Variants in NGEF observed in about 807,000 individuals in gnomAD.
NGEF encodes neuronal guanine nucleotide exchange factor.
Under a neutral mutation model 80.9 loss-of-function variants are expected in NGEF, and 31 were observed. The ratio of observed to expected loss-of-function variants is 0.38; its 90% CI spans 0.29 to 0.52. The LOEUF is 0.52. NGEF is among the 20% of genes least tolerant of loss of function. The pLI is 0.84. For synonymous variants in NGEF, 371 were observed against 370.2 expected, an observed-to-expected ratio of 1.00 and a Z score of -0.03; for missense variants, 709 against 926.2, an observed-to-expected ratio of 0.77 and a Z score of 3.04.
At chr2:232,921,160 T>G (rs1692934507) in intron 4 of NGEF, among the ~76,000 whole-genome samples, 1 of 152,222 alleles carries the variant, frequency 6.6e-6, no homozygotes, top group Non-Finnish European at 1.5e-5. Flanking sequence ...TCCAGTCTCT[T>G]AGGCGATTTG....
chr2:232,894,676 A>G, intron 6 of NGEF, 80 bp downstream of exon 6: 1 of 1,297,408 alleles, frequency 7.7e-7, no homozygotes, highest in East Asian at 2.4e-5. Context: ...AGTATCGAGC[A>G]CTTGTCATCA....
chr2:233,000,776 G>A (rs1694959472), intron 1 of NGEF, among the ~76,000 whole-genome samples: 1 of 143,708 alleles, frequency 7.0e-6, no homozygotes, highest in Non-Finnish European at 1.5e-5. Context: ...AAAAAAAAAC[G>A]AAAAAACCTA....
At chr2:232,890,717 G>A (rs1403077741) in intron 8 of NGEF, among the ~76,000 whole-genome samples, 2 of 151,636 alleles carry the variant, frequency 1.3e-5, no homozygotes, top group African/African-American at 2.4e-5. Flanking sequence ...CCCACTCCCC[G>A]ACCCAGCCCC....
At chr2:232,928,444 G>A (rs945780980) in intron 3 of NGEF, among the ~76,000 whole-genome samples, 3 of 151,564 alleles carry the variant, frequency 2.0e-5, no homozygotes, top group Non-Finnish European at 3.0e-5. Context: ...GCCTGGAAGG[G>A]GCGGGCGAGG....
At position 232,879,503 on chromosome 2, in the gene NGEF, G is replaced by A. The variant is rs145959108; in HGVS notation, c.2119C>T (p.Arg707Trp). 2.1e-5 allele frequency: 34 copies of A among 1,603,986 alleles called. No individual in the cohort carries two copies. Among genetic ancestry groups the A allele is most frequent in the Admixed American group, 3.3e-5 (2 of 59,802 alleles). The change falls in exon 15 of 15, where the codon CGG becomes TGG. Residue 707 changes from arginine (R) to tryptophan (W), a missense_variant. Physicochemically the swap from Arg to Trp is moderately radical, Grantham distance 101. Transcript: ENST00000264051. The part of the protein sequence containing the change: ...QNKDRRKLGS[R>W]NRQ Reference sequence around the variant, plus strand: ...CTGGGTGGGGGTCATTGCCGATTCCGGCTGCCCAGCTTCCTGCGGTCCTTG... The same window carrying A: ...CTGGGTGGGGGTCATTGCCGATTCCAGCTGCCCAGCTTCCTGCGGTCCTTG...
intron 2 of NGEF, among the ~76,000 whole-genome samples, chr2:232,972,004 G>A (rs1415382227): frequency 1.3e-5 from 2 of 152,188 alleles, no homozygotes; most frequent in Non-Finnish European, 2.9e-5. Flanking sequence ...CGCTAGCCAC[G>A]TGTGACTATT....
chr2:232,976,491 C>T (rs563169404), intron 1 of NGEF, among the ~76,000 whole-genome samples: 10 of 152,238 alleles, frequency 6.6e-5, no homozygotes, highest in East Asian at 1.9e-4. Context: ...TACCCCAGGC[C>T]GAGAATGCCT....
At chr2:232,928,079 G>A (rs1693124059) in intron 3 of NGEF, 6 of 1,125,636 alleles carry the variant, frequency 5.3e-6, no homozygotes, top group Non-Finnish European at 6.5e-6. Context: ...GCGACTAGCG[G>A]GCTGCGGAGC....
chr2:233,000,774 A>AG (rs1694959322), intron 1 of NGEF, among the ~76,000 whole-genome samples: 1 of 145,450 alleles, frequency 6.9e-6, no homozygotes, highest in Non-Finnish European at 1.5e-5. Context: ...AAAAAAAAAA[A>AG]CGAAAAAACC....
chr2:232,968,093 C>CTT lies in NGEF; in HGVS notation c.383+2119_383+2120dup, dbSNP rs1274944227. On this transcript the variant is annotated intron_variant, in intron 3 of 14. Transcript: ENST00000264051. ...TTGCTGAGGGCAGAAACAGACCTGGCTTTTTTTTTTTTGAGACAAAGTTTC... is the reference window on the plus strand; with the variant it reads ...TTGCTGAGGGCAGAAACAGACCTGGCTTTTTTTTTTTTTTGAGACAAAGTTTC... Among the ~76,000 whole-genome samples, 21 of 125,780 alleles carry CTT rather than the reference C, an allele frequency of 1.7e-4. 1 individual carries two copies. The highest frequency in any genetic ancestry group is 1.4e-3 in the Admixed American group (18 of 12,766). 82.5% of individuals were successfully genotyped at this position (125,780 alleles called of 152,430 possible).
rs542310790 is a variant in NGEF at position 232,920,594 on chromosome 2, A to G, written c.527-9T>C. The G allele has an allele frequency of 1.3e-6, 2 of 1,509,112 alleles. No homozygotes were observed. The highest frequency in any genetic ancestry group is 2.8e-5 in the African/African-American group (2 of 71,536). The allele number at this position is 1,509,112 out of a possible 1,614,324, so 93.5% of individuals were successfully genotyped here. ...TTCCTGATACAGGAGCCCTGAAATC[A>G]AAGAGTTGTAAAAAAGAAAAGGAAA... On this transcript the variant is annotated splice_polypyrimidine_tract_variant and intron_variant, in intron 4 of 14. Transcript: ENST00000264051.
rs749478128 is a variant in NGEF at position 232,900,610 on chromosome 2, A to ATT, written c.829-5695_829-5694insAA. ...CAGTCACTCATATACACGTTCACTC[A>ATT]CATACACACACGCTCTCACAGTCAC... On this transcript the variant is annotated intron_variant, in intron 5 of 14. Coordinates refer to ENST00000264051, the MANE Select transcript of NGEF (RefSeq NM_019850.3). Among the ~76,000 whole-genome samples, 2 of 47,204 alleles carry ATT rather than the reference A, an allele frequency of 4.2e-5. 1 individual carries two copies. The highest frequency in any genetic ancestry group is 8.6e-5 in the Non-Finnish European group (2 of 23,284). 31.0% of individuals were successfully genotyped at this position (47,204 alleles called of 152,430 possible). A position where few individuals can be genotyped will look rare whatever the true frequency, so the allele number is the denominator to read the frequency against.
intron 3 of NGEF, 69 bp from the exon 4 acceptor site, chr2:232,927,255 G>A: frequency 6.8e-7 from 1 of 1,478,042 alleles, no homozygotes; most frequent in East Asian, 2.4e-5. Flanking sequence ...TGGCTAGCGA[G>A]GGGCGTGCGC....
chr2:232,928,086 G>A (rs1223221925), intron 3 of NGEF: 2 of 1,103,914 alleles, frequency 1.8e-6, no homozygotes, highest in Non-Finnish European at 2.2e-6. Flanking sequence ...GCGGGCTGCG[G>A]AGCGGGGTCG....
At chr2:232,921,612 C>T (rs116053911) in intron 4 of NGEF, among the ~76,000 whole-genome samples, 252 of 150,874 alleles carry the variant, frequency 1.7e-3, no homozygotes, top group African/African-American at 5.8e-3. Flanking sequence ...TCACCATGGC[C>T]GGCTAGTTTT....
Position 233,000,542 on chromosome 2 carries a change from G to A in NGEF, c.-75+12526C>T, listed in dbSNP as rs754144322. 3.1e-4 allele frequency among the ~76,000 whole-genome samples: 47 copies of A among 152,214 alleles called. No homozygotes were observed. In the South Asian group the frequency reaches 4.1e-3, roughly 13 times the overall value. ...GGAGGCCGAGGCGGGTGGATCACGA[G>A]GTCAGGAGATTGAGACCATCCTGGC... is the stretch of plus-strand genomic sequence containing the variant. On this transcript the variant is annotated intron_variant, in intron 1 of 14. Coordinates refer to ENST00000264051, the MANE Select transcript of NGEF (RefSeq NM_019850.3).
In NGEF at chr2:232,970,248, C is replaced by G; in HGVS notation, c.349G>C (p.Ala117Pro). 1.0e-5 allele frequency: 16 copies of G among 1,600,510 alleles called. No homozygotes were observed. The highest frequency in any genetic ancestry group is 1.4e-5 in the Non-Finnish European group (16 of 1,175,662). Residue 117 changes from alanine to proline, a missense_variant, in exon 3 of 15, where the codon GCA (alanine) becomes CCA (proline). By Grantham distance (27) the Ala-to-Pro change is conservative. This residue lies in a region of NGEF where 283 missense variants were observed against 303.4 expected (regional missense o/e 0.93). Coordinates refer to ENST00000264051, the MANE Select transcript of NGEF (RefSeq NM_019850.3). ...PWSRMPPCRTAMQTDPGAQEM... is the reference protein window; with the variant it reads ...PWSRMPPCRTPMQTDPGAQEM... ...TGGGCTCCTGGGTCTGTCTGCATTG[C>G]TGTTCTGCAAGGAGGCATTCTGCTC...
intron 10 of NGEF, among the ~76,000 whole-genome samples, chr2:232,884,421 CAT>C (rs781733462): frequency 1.3e-5 from 2 of 152,192 alleles, no homozygotes; most frequent in Admixed American, 6.5e-5. Context: ...TGTGTACCCA[CAT>C]GTGAGCTTAA....
At chr2:232,991,805 C>T (rs1220905683) in intron 1 of NGEF, among the ~76,000 whole-genome samples, 1 of 152,176 alleles carries the variant, frequency 6.6e-6, no homozygotes, top group Non-Finnish European at 1.5e-5. Context: ...CAGAGTTGGA[C>T]TCACACTTCC....
Sources: allele counts gnomAD v4.1 joint callset (sites outside exome capture counted in the v4.1 genomes callset), GRCh38; gene constraint gnomAD v4.1.1; regional missense constraint gnomAD v4.1.1; transcripts MANE v1.5; gene names NCBI Gene and HGNC (gene_info 2026-07-23, HGNC 2026-07-21).